The following ZNF423 variants were observed in gnomAD, a reference collection of about 807,000 sequenced individuals.
The protein encoded by ZNF423 is zinc finger protein 423, also known as Ebf-associated zinc finger protein.
In ZNF423, 12 loss-of-function variants were observed where a neutral mutation model predicts 95.8. The ratio of observed to expected loss-of-function variants is 0.13; its 90% confidence interval spans 0.08 to 0.20. The LOEUF (loss-of-function observed/expected upper bound fraction) is 0.20. Among genes scored for constraint, ZNF423 ranks in the 10% least tolerant of loss-of-function variants. The probability of loss-of-function intolerance (pLI) is 1.00; values close to 1 mark genes in which losing one functional copy is unlikely to be tolerated. For synonymous variants in ZNF423, 749 were observed against 711.9 expected (o/e 1.05, Z -0.83); for missense variants, 1,316 against 1,737.1 (o/e 0.76, Z 4.31).
chr16:49,506,925 G>A (rs1441547378), intron 7 of ZNF423, among the ~76,000 whole-genome samples: 3 of 152,124 alleles, frequency 2.0e-5, no homozygotes, highest in Non-Finnish European at 4.4e-5. Flanking sequence ...GGATTGGTGG[G>A]TGGATGGATA....
intron 5 of ZNF423, among the ~76,000 whole-genome samples, chr16:49,552,506 G>C (rs1287841434): frequency 6.6e-6 from 1 of 152,136 alleles, no homozygotes; most frequent in African/African-American, 2.4e-5. Context: ...AGCTTGATAT[G>C]AATATTGTGT....
At chr16:49,517,858 C>G (rs1968217194) in intron 7 of ZNF423, 1 of 427,144 alleles carries the variant, frequency 2.3e-6, no homozygotes, top group Non-Finnish European at 4.6e-6. Context: ...GCTCCAAAAT[C>G]TCTTCATTTT....
intron 7 of ZNF423, among the ~76,000 whole-genome samples, chr16:49,497,232 T>TGTCCATCCATCCATCCATCCATCC (rs1967198371): frequency 6.6e-6 from 1 of 151,782 alleles, no homozygotes; most frequent in African/African-American, 2.4e-5. Context: ...TCTATTCATC[T>TGTCCATCCATCCATCCATCCATCC]ATCCATCCAT....
At chr16:49,805,505 T>A (rs530595399) in intron 1 of ZNF423, among the ~76,000 whole-genome samples, 1 of 152,324 alleles carries the variant, frequency 6.6e-6, no homozygotes, top group African/African-American at 2.4e-5. Context: ...GCTCTGAAGT[T>A]CACCAGGCCA....
At chr16:49,799,668 G>A (rs1023728387) in intron 1 of ZNF423, among the ~76,000 whole-genome samples, 15 of 152,022 alleles carry the variant, frequency 9.9e-5, no homozygotes, top group African/African-American at 2.2e-4. Context: ...CTATATCTTC[G>A]GCAACTCTGC....
intron 6 of ZNF423, 78 bp downstream of exon 6, chr16:49,525,285 C>A: frequency 6.3e-7 from 1 of 1,577,578 alleles, no homozygotes; most frequent in Non-Finnish European, 8.6e-7. Context: ...GAAGAGCACA[C>A]ACTGGGATCC....
At chr16:49,682,355 C>A (rs892785365) in intron 3 of ZNF423, among the ~76,000 whole-genome samples, 4 of 152,138 alleles carry the variant, frequency 2.6e-5, no homozygotes, top group African/African-American at 9.7e-5. Context: ...CAGGGCTGGC[C>A]GAGCACATCC....
chr16:49,616,741 A>G (rs1002061186), intron 5 of ZNF423, among the ~76,000 whole-genome samples: 1 of 152,152 alleles, frequency 6.6e-6, no homozygotes, highest in African/African-American at 2.4e-5. Context: ...AGTCTTGACA[A>G]GGCAGAGAGA....
intron 1 of ZNF423, among the ~76,000 whole-genome samples, chr16:49,836,681 G>A (rs1233853681): frequency 6.6e-6 from 1 of 152,158 alleles, no homozygotes; most frequent in East Asian, 1.9e-4. Flanking sequence ...CGTGCAGGAA[G>A]CCCTCAGAGA....
At chr16:49,672,241 GA>G (rs562754980) in intron 3 of ZNF423, among the ~76,000 whole-genome samples, 67 of 150,256 alleles carry the variant, frequency 4.5e-4, no homozygotes, top group Non-Finnish European at 6.5e-4. Flanking sequence ...ATACATTACA[GA>G]AAAAAAAAAT....
chr16:49,726,365 A>G (rs577869599), intron 3 of ZNF423, among the ~76,000 whole-genome samples: 160 of 152,220 alleles, frequency 1.1e-3, no homozygotes, highest in African/African-American at 3.8e-3. Flanking sequence ...GCACATAAAA[A>G]ACCACCATCA....
rs531339258 is a variant in ZNF423, at chr16:49,662,171, C to T, written c.302-23297G>A. On this transcript the variant is annotated intron_variant, in intron 3 of 7. Coordinates refer to ENST00000563137, the MANE Select transcript of ZNF423 (RefSeq NM_001379286.1). The stretch of plus-strand genomic sequence containing the variant: ...TACCACCTCCTTATGTCATTCCTGC[C>T]AATGTCATGTCATAAAGAAAGCCAG... Among the ~76,000 whole-genome samples the T allele has an allele frequency of 2.6e-5, 4 of 152,284 alleles. No individual in the cohort carries two copies. In the East Asian group the frequency reaches 7.7e-4, roughly 29 times the overall value.
In ZNF423 at chr16:49,491,270, A is replaced by C. The variant is rs775831924; in HGVS notation, c.*5T>G. On this transcript the variant is annotated 3_prime_UTR_variant, in exon 8 of 8. Coordinates refer to ENST00000563137, the MANE Select transcript of ZNF423 (RefSeq NM_001379286.1). ...CTGCGGAGAGGTGTCCTGTTGAGCG[A>C]TCCCTCACTGTGCGTGCTGGCTCAT... is the stretch of plus-strand genomic sequence containing the variant. The C allele has an allele frequency of 6.8e-6, 11 of 1,614,112 alleles. No individual in the cohort carries two copies. Among genetic ancestry groups the C allele is most frequent in the Non-Finnish European group, 8.5e-6 (10 of 1,180,040 alleles).
At chr16:49,643,575 G>A (rs1036250421) in intron 3 of ZNF423, among the ~76,000 whole-genome samples, 7 of 129,396 alleles carry the variant, frequency 5.4e-5, no homozygotes, top group Non-Finnish European at 9.2e-5. Context: ...ACTTTGGGAG[G>A]AGAAGCATGA....
intron 2 of ZNF423, among the ~76,000 whole-genome samples, chr16:49,739,013 T>A (rs141819740): frequency 6.6e-6 from 1 of 151,874 alleles, no homozygotes; most frequent in Non-Finnish European, 1.5e-5. Context: ...GATGGCTGGA[T>A]GCATGTTCCA....
At position 49,606,342 on chromosome 16, in the gene ZNF423, C is replaced by T. The variant is rs76709584; in HGVS notation, c.3601+19828G>A. 5.4e-3 allele frequency among the ~76,000 whole-genome samples: 824 copies of T among 152,062 alleles called. 5 individuals are homozygous for T. The highest frequency in any genetic ancestry group is 0.019 in the African/African-American group (793 of 41,458). Reference sequence around the variant, plus strand: ...GGACCTAGAGAAGCCAGCTTAAGAGCGAGGAAATGGTGTCATGCCAAGCCC... The same window carrying T: ...GGACCTAGAGAAGCCAGCTTAAGAGTGAGGAAATGGTGTCATGCCAAGCCC... On this transcript the variant is annotated intron_variant, in intron 5 of 7. Coordinates refer to ENST00000563137, the MANE Select transcript of ZNF423 (RefSeq NM_001379286.1).
intron 5 of ZNF423, among the ~76,000 whole-genome samples, chr16:49,541,208 A>G (rs969100454): frequency 3.9e-5 from 6 of 152,328 alleles, no homozygotes; most frequent in Admixed American, 1.3e-4. Flanking sequence ...GCACCTAACA[A>G]CCTGGCACAC....
At chr16:49,731,194 G>A in intron 2 of ZNF423, 3 of 545,216 alleles carry the variant, frequency 5.5e-6, no homozygotes, top group Non-Finnish European at 7.0e-6. Context: ...CTTCTAGGGG[G>A]ATTTCCTGTC....
At chr16:49,554,424 T>C (rs1567463780) in intron 5 of ZNF423, among the ~76,000 whole-genome samples, 1 of 152,072 alleles carries the variant, frequency 6.6e-6, no homozygotes, top group East Asian at 1.9e-4. Context: ...AACTACCTCC[T>C]AAACAATCTG....
Sources: gnomAD v4.1 joint callset for allele counts (sites outside exome capture counted in the v4.1 genomes callset) on GRCh38, gnomAD v4.1.1 for gene constraint, MANE v1.5 for transcripts, NCBI Gene and HGNC (gene_info 2026-07-23, HGNC 2026-07-21) for gene names.